The following TNIK variants were observed in gnomAD, a reference collection of about 807,000 sequenced individuals.
The protein encoded by TNIK is TRAF2 and NCK interacting kinase.
Under a neutral mutation model 191.3 loss-of-function variants are expected in TNIK, and 49 were observed. The ratio of observed to expected loss-of-function variants is 0.26; its 90% CI spans 0.20 to 0.32. The LOEUF is 0.32. Among genes scored for constraint, TNIK ranks in the 10% least tolerant of loss-of-function variants. TNIK has a pLI of 1.00. For synonymous variants in TNIK, 594 were observed against 600.9 expected (o/e 0.99, Z 0.17); for missense variants, 1,155 against 1,702.3 (o/e 0.68, Z 5.66).
intron 22 of TNIK, 121 bp from the exon 23 acceptor site, chr3:171,094,089 G>A: frequency 1.6e-6 from 2 of 1,284,534 alleles, no homozygotes; most frequent in South Asian, 1.7e-5. Context: ...ATTTACCATT[G>A]TACCAATTTT....
At chr3:171,230,462 T>C (rs1418487578) in intron 2 of TNIK, among the ~76,000 whole-genome samples, 1 of 152,162 alleles carries the variant, frequency 6.6e-6, no homozygotes, top group African/African-American at 2.4e-5. Flanking sequence ...TGTAACAGGA[T>C]ACAGACAAAC....
intron 2 of TNIK, among the ~76,000 whole-genome samples, chr3:171,346,717 G>C (rs1250943743): frequency 2.4e-5 from 1 of 41,794 alleles, no homozygotes; most frequent in African/African-American, 1.3e-4. Context: ...AACAGGAGAA[G>C]AACATTCCAG....
intron 2 of TNIK, among the ~76,000 whole-genome samples, chr3:171,320,769 C>T (rs1026560682): frequency 2.0e-5 from 3 of 152,202 alleles, no homozygotes; most frequent in Non-Finnish European, 4.4e-5. Flanking sequence ...TCTTAGAAAG[C>T]TTTTGCTGCA....
At chr3:171,413,075 A>G (rs116785606) in intron 1 of TNIK, among the ~76,000 whole-genome samples, 28 of 152,338 alleles carry the variant, frequency 1.8e-4, no homozygotes, top group African/African-American at 6.3e-4. Flanking sequence ...GAGATTTTGC[A>G]TATGCAGTAT....
chr3:171,210,772 G>A (rs1200370604), intron 4 of TNIK, among the ~76,000 whole-genome samples: 1 of 146,094 alleles, frequency 6.8e-6, no homozygotes, highest in East Asian at 2.0e-4. Flanking sequence ...ACTCAAAGAA[G>A]CAAAATAAAT....
intron 3 of TNIK, chr3:171,225,836 T>G (rs1000049325): frequency 2.9e-6 from 1 of 340,150 alleles, no homozygotes; most frequent in African/African-American, 2.2e-5. Context: ...CAACTGTAGT[T>G]CTTCAAAACC....
At chr3:171,144,641 AC>A (rs1456844108) in intron 12 of TNIK, among the ~76,000 whole-genome samples, 1 of 152,142 alleles carries the variant, frequency 6.6e-6, no homozygotes, top group Non-Finnish European at 1.5e-5. Flanking sequence ...GTATTCAAAA[AC>A]CTTTTATAGC....
chr3:171,401,514 G>A (rs114096544), intron 1 of TNIK, among the ~76,000 whole-genome samples: 55 of 152,170 alleles, frequency 3.6e-4, no homozygotes, highest in African/African-American at 1.3e-3. Flanking sequence ...AGAGGGTTCA[G>A]GGTTCTCTCA....
At chr3:171,351,221 T>C (rs16856173) in intron 2 of TNIK, among the ~76,000 whole-genome samples, 11,907 of 151,540 alleles carry the variant, frequency 0.079, 1,609 homozygotes, top group African/African-American at 0.27. Flanking sequence ...CAAACTATGT[T>C]ATTTACTTTC....
At chr3:171,343,199 G>C (rs541832937) in intron 2 of TNIK, among the ~76,000 whole-genome samples, 3 of 152,310 alleles carry the variant, frequency 2.0e-5, no homozygotes, top group African/African-American at 7.2e-5. Context: ...ATACAGCATG[G>C]AGAGGGGTGA....
chr3:171,231,826 C>T (rs1743689728), intron 2 of TNIK, among the ~76,000 whole-genome samples: 2 of 152,080 alleles, frequency 1.3e-5, no homozygotes, highest in African/African-American at 4.8e-5. Context: ...AGAGCCTAAC[C>T]CAATCCTCTC....
At chr3:171,147,587 A>G (rs1215415380) in intron 12 of TNIK, among the ~76,000 whole-genome samples, 2 of 152,218 alleles carry the variant, frequency 1.3e-5, no homozygotes, top group Non-Finnish European at 1.5e-5. Flanking sequence ...GGCACCTCTG[A>G]ATTCACTATA....
At chr3:171,152,256 G>T (rs1560187157) in intron 12 of TNIK, among the ~76,000 whole-genome samples, 1 of 151,660 alleles carries the variant, frequency 6.6e-6, no homozygotes, top group African/African-American at 2.4e-5. Context: ...CAACCTGGGT[G>T]ACAGAGTAGA....
At chr3:171,393,548 C>G (rs2108554017) in intron 1 of TNIK, among the ~76,000 whole-genome samples, 1 of 152,360 alleles carries the variant, frequency 6.6e-6, no homozygotes, top group Admixed American at 6.5e-5. Flanking sequence ...CCAGTAGGTT[C>G]TCAAACACAG....
chr3:171,105,607 TTATTTG>T (rs1724693172), intron 21 of TNIK, among the ~76,000 whole-genome samples: 1 of 152,168 alleles, frequency 6.6e-6, no homozygotes, highest in Non-Finnish European at 1.5e-5. Flanking sequence ...ACCCCCTCAA[TTATTTG>T]TAATTACGTA....
Position 171,359,669 on chromosome 3 carries a change from A to G in TNIK, c.123+9951T>C, listed in dbSNP as rs78612888. ...CATATATTTGCTTGCCGAACAGCAGATATTTCTTTTTGCATATGCAAAATA... is the reference window on the plus strand; with the variant it reads ...CATATATTTGCTTGCCGAACAGCAGGTATTTCTTTTTGCATATGCAAAATA... On this transcript the variant is annotated intron_variant, in intron 2 of 32. Coordinates refer to ENST00000436636, the MANE Select transcript of TNIK (RefSeq NM_015028.4). 3.7e-3 allele frequency among the ~76,000 whole-genome samples: 561 copies of G among 152,308 alleles called. 4 individuals carry two copies. The highest frequency in any genetic ancestry group is 0.013 in the African/African-American group (539 of 41,560).
chr3:171,457,654 A>G (rs936505577), intron 1 of TNIK, among the ~76,000 whole-genome samples: 1 of 152,186 alleles, frequency 6.6e-6, no homozygotes, highest in Non-Finnish European at 1.5e-5. Context: ...ACTCCAGCAG[A>G]CACACCTCAC....
At chr3:171,229,331 C>G (rs967277688) in intron 2 of TNIK, among the ~76,000 whole-genome samples, 1 of 152,136 alleles carries the variant, frequency 6.6e-6, no homozygotes, top group Admixed American at 6.5e-5. Flanking sequence ...CATGTCTCAT[C>G]GATGTATTTC....
chr3:171,314,728 A>T (rs1754416420), intron 2 of TNIK, among the ~76,000 whole-genome samples: 1 of 151,566 alleles, frequency 6.6e-6, no homozygotes, highest in African/African-American at 2.4e-5. Flanking sequence ...AATAAATAAT[A>T]AAACACAATA....
Sources: gnomAD v4.1 joint callset for allele counts (sites outside exome capture counted in the v4.1 genomes callset) on GRCh38, gnomAD v4.1.1 for gene constraint, MANE v1.5 for transcripts, NCBI Gene and HGNC (gene_info 2026-07-23, HGNC 2026-07-21) for gene names.